MMP19: variants seen among roughly 807,000 people sequenced by gnomAD.
MMP19 encodes matrix metalloproteinase-19.
A neutral mutation model predicts 46.6 loss-of-function variants in MMP19; 47 were observed. That is an observed-to-expected ratio of 1.01 (90% CI 0.80 to 1.29). The LOEUF (loss-of-function observed/expected upper bound fraction) is 1.29. Among genes scored for constraint, MMP19 ranks in the 50% most tolerant of loss-of-function variants. The pLI, the probability that MMP19 is intolerant of heterozygous loss-of-function variation, is 0.00. For missense variants in MMP19, 589 were observed against 643.5 expected, an observed-to-expected ratio of 0.92 and a Z score of 0.92; for synonymous variants, 222 against 248.5, an observed-to-expected ratio of 0.89 and a Z score of 1.00.
At chr12:55,840,956 G>A in intron 3 of MMP19, 74 bp from the exon 4 acceptor site, 1 of 1,529,616 alleles carries the variant, frequency 6.5e-7, no homozygotes, top group African/African-American at 1.4e-5. Flanking sequence ...CTGGGTTTAG[G>A]CACTCAACCC....
rs1336603905 is a variant in MMP19 at position 55,835,477 on chromosome 12, C to G, written c.*1559G>C. ...ATTTTTTTGCAGAGACAGGGTCTCCCTATGTTGCCCAAGCTGGTCTTGAAC... is the reference window on the plus strand; with the variant it reads ...ATTTTTTTGCAGAGACAGGGTCTCCGTATGTTGCCCAAGCTGGTCTTGAAC... On this transcript the variant is annotated 3_prime_UTR_variant, in exon 9 of 9. Transcript: ENST00000322569. 6.6e-6 allele frequency: 1 copy of G among 152,200 alleles called. No homozygotes were observed. Among genetic ancestry groups the G allele is most frequent in the African/African-American group, 2.4e-5 (1 of 41,430 alleles). 9.4% of individuals were successfully genotyped at this position (152,200 alleles called of 1,614,324 possible). A position where few individuals can be genotyped will look rare whatever the true frequency, so the allele number is the denominator to read the frequency against.
intron 3 of MMP19, 80 bp from the exon 4 acceptor site, chr12:55,840,962 A>C: frequency 6.5e-7 from 1 of 1,531,652 alleles, no homozygotes; most frequent in South Asian, 1.3e-5. Context: ...TTAGGCACTC[A>C]ACCCCCAAGA....
At chr12:55,840,643 T>G in intron 4 of MMP19, 24 bp downstream of exon 4, 1 of 1,603,128 alleles carries the variant, frequency 6.2e-7, no homozygotes, top group Non-Finnish European at 8.5e-7. Flanking sequence ...GTCTATGAGG[T>G]GGGAACTGAG....
At chr12:55,841,817 C>T (rs1014348013) in intron 2 of MMP19, among the ~76,000 whole-genome samples, 4 of 152,172 alleles carry the variant, frequency 2.6e-5, no homozygotes, top group Non-Finnish European at 5.9e-5. Flanking sequence ...ACAGCCTGTC[C>T]TCCTTCAGCC....
At chr12:55,838,933 G>A (rs934547172) in intron 5 of MMP19, among the ~76,000 whole-genome samples, 199 bp from the exon 6 acceptor site, 1 of 152,134 alleles carries the variant, frequency 6.6e-6, no homozygotes, top group African/African-American at 2.4e-5. Context: ...AAAGGGAGAA[G>A]GAGGATTGTT....
At position 55,838,740 on chromosome 12, in the gene MMP19, A is replaced by T; in HGVS notation, c.767-6T>A. ...TATCACTGGACTCTTCTTGCCTATA[A>T]GGTAAAGTAATGCTGCTTAGGGAGA... On this transcript the variant is annotated splice_polypyrimidine_tract_variant and splice_region_variant and intron_variant, in intron 5 of 8. Transcript: ENST00000322569. 6.4e-7 allele frequency: 1 copy of T among 1,572,244 alleles called. No individual in the cohort carries two copies. Among genetic ancestry groups the T allele is most frequent in the Middle Eastern group, 1.7e-4 (1 of 5,836 alleles).
chr12:55,840,027 G>GA, intron 4 of MMP19: 1 of 373,626 alleles, frequency 2.7e-6, no homozygotes, highest in East Asian at 4.7e-5. Context: ...ACTTAAGGGA[G>GA]AAAAAGAAGC....
intron 7 of MMP19, 40 bp downstream of exon 7, chr12:55,837,803 A>G: frequency 6.3e-7 from 1 of 1,593,898 alleles, no homozygotes; most frequent in Non-Finnish European, 8.6e-7. Context: ...CTTTAAGATT[A>G]GGCCCTCCTC....
intron 2 of MMP19, 26 bp from the exon 3 acceptor site, chr12:55,841,262 A>G: frequency 1.9e-6 from 3 of 1,602,398 alleles, no homozygotes; most frequent in Non-Finnish European, 2.6e-6. Context: ...GGATGGGTCT[A>G]CCAGGACAGG....
chr12:55,841,388 A>G (rs1040963143), intron 2 of MMP19, 152 bp from the exon 3 acceptor site: 53 of 741,730 alleles, frequency 7.1e-5, no homozygotes, highest in Non-Finnish European at 1.0e-4. Context: ...TCCAGTCCTC[A>G]TAACTGGGAC....
intron 2 of MMP19, among the ~76,000 whole-genome samples, chr12:55,841,805 T>C (rs1484480178): frequency 1.3e-5 from 2 of 152,182 alleles, no homozygotes; most frequent in Non-Finnish European, 1.5e-5. Context: ...TGCTCCCACC[T>C]GACAGCCTGT....
Position 55,842,887 on chromosome 12 carries a change from G to C in MMP19, c.-57C>G, listed in dbSNP as rs1032009529. 5.7e-5 allele frequency: 81 copies of C among 1,410,048 alleles called. No homozygotes were observed. Among genetic ancestry groups the C allele is most frequent in the Non-Finnish European group, 7.5e-5 (77 of 1,020,924 alleles). 87.3% of individuals were successfully genotyped at this position (1,410,048 alleles called of 1,614,324 possible). A position where few individuals can be genotyped will look rare whatever the true frequency, so the allele number is the denominator to read the frequency against. ...CCGTGCCTCTGACCTGAGATTTCTG[G>C]GAGCCTTGGGGGAGCAGTGCTAGGC... is the stretch of plus-strand genomic sequence containing the variant. On this transcript the variant is annotated 5_prime_UTR_variant, in exon 1 of 9. Transcript: ENST00000322569.
intron 5 of MMP19, 47 bp downstream of exon 5, chr12:55,839,449 C>A (rs375046152): frequency 6.4e-7 from 1 of 1,554,982 alleles, no homozygotes; most frequent in Admixed American, 1.9e-5. Flanking sequence ...CAAGCCTTGA[C>A]GTGGGAGTCA....
Position 55,842,750 on chromosome 12 carries a change from C to T in MMP19, c.81G>A (p.Ala27=), listed in dbSNP as rs201161630. Residue 27 remains alanine, a synonymous_variant, in exon 1 of 9, where the codon GCG becomes GCA. Transcript: ENST00000322569. Reference sequence around the variant, plus strand: ...TCTTTCTTGGGGGACTTACCACAGGCGCCACCTCTGCAAGCCCCAGGACCC... The same window carrying T: ...TCTTTCTTGGGGGACTTACCACAGGTGCCACCTCTGCAAGCCCCAGGACCC... ...SGRVLGLAEV[A]PVDYLSQYGY... 411 of 1,603,912 alleles carry T rather than the reference C, an allele frequency of 2.6e-4. 5 individuals carry two copies. The highest frequency in any genetic ancestry group is 7.8e-5 in the South Asian group (7 of 89,330).
rs1239787047 is a variant in MMP19, at chr12:55,842,354, T to G, written c.172A>C (p.Arg58=). The change falls in exon 2 of 9, where the codon AGA becomes CGA. Residue 58 remains arginine (R), a splice_region_variant and synonymous_variant. Transcript: ENST00000322569. ...FKPEDITEAL[R]AFQEASELPV... ...GGCATACACCTCATAGCTTCTCACC[T>G]CAGAGCCTCGGTGATATCTTCTGGC... The G allele has an allele frequency of 6.2e-7, 1 of 1,612,396 alleles. No homozygotes were observed. Among genetic ancestry groups the G allele is most frequent in the Non-Finnish European group, 8.5e-7 (1 of 1,178,466 alleles).
In MMP19 at chr12:55,840,875, C is replaced by G; in HGVS notation, c.312G>C (p.Trp104Cys). ...TGCGGAAAGTCAGGTGCTTCTTTCT[C>G]CAGCGGCCTAGTTAATGACCAGAAA... ...KTLKYLLLGR[W>C]RKKHLTFRIL... Residue 104 changes from tryptophan (W) to cysteine (C), a missense_variant, in exon 4 of 9, where the codon TGG becomes TGC. Trp to Cys is a radical substitution (Grantham distance 215). Coordinates refer to ENST00000322569, the MANE Select transcript of MMP19 (RefSeq NM_002429.6). 1 of 1,582,230 alleles carries G rather than the reference C, an allele frequency of 6.3e-7. No individual in the cohort carries two copies. The highest frequency in any genetic ancestry group is 8.6e-7 in the Non-Finnish European group (1 of 1,160,158).
intron 2 of MMP19, among the ~76,000 whole-genome samples, chr12:55,841,718 C>G (rs1040910547): frequency 1.3e-5 from 2 of 152,090 alleles, no homozygotes; most frequent in African/African-American, 4.8e-5. Flanking sequence ...CATGCCCAGC[C>G]CCTCTACTGC....
intron 5 of MMP19, among the ~76,000 whole-genome samples, chr12:55,839,103 G>A (rs1199969049): frequency 1.3e-5 from 2 of 152,028 alleles, no homozygotes; most frequent in East Asian, 1.9e-4. Flanking sequence ...TTAGCTGGGC[G>A]TGGTTGCGTG....
In MMP19 at chr12:55,839,721, C is replaced by T. The variant is rs1011453238; in HGVS notation, c.541G>A (p.Asp181Asn). The T allele has an allele frequency of 6.2e-6, 10 of 1,612,502 alleles. No homozygotes were observed. Among genetic ancestry groups the T allele is most frequent in the Admixed American group, 1.7e-5 (1 of 59,806 alleles). The change falls in exon 5 of 9, where the codon GAC becomes AAC. Residue 181 changes from aspartate (D) to asparagine (N), a missense_variant. Physicochemically the swap from Asp to Asn is conservative, Grantham distance 23 (BLOSUM62 1). Transcript: ENST00000322569. ...TGCACACTGCCCAGCTCTGGGATGT[C>T]GGCATGGGCCAGGACTCTCCCTGGA... The part of the protein sequence containing the change: ...DGPGRVLAHA[D>N]IPELGSVHFD...
Sources: allele counts gnomAD v4.1 joint callset (sites outside exome capture counted in the v4.1 genomes callset), GRCh38; gene constraint gnomAD v4.1.1; transcripts MANE v1.5; gene names NCBI Gene and HGNC (gene_info 2026-07-23, HGNC 2026-07-21).